Variants in CNOT6L observed in about 807,000 individuals in gnomAD.
The protein encoded by CNOT6L is CCR4-NOT transcription complex subunit 6 like.
A neutral mutation model predicts 64.0 loss-of-function variants in CNOT6L; 7 were observed. That is an observed-to-expected ratio of 0.11 (90% CI 0.06 to 0.21). The LOEUF (loss-of-function observed/expected upper bound fraction) is 0.21. Ranked by LOEUF, CNOT6L falls within the 10% of genes least tolerant of loss-of-function variation. The pLI is 1.00. For missense variants in CNOT6L, 245 were observed against 669.0 expected (o/e 0.37, Z 6.99); for synonymous variants, 193 against 243.4 (o/e 0.79, Z 1.93).
At chr4:77,800,458 A>G (rs550784450) in intron 1 of CNOT6L, among the ~76,000 whole-genome samples, 15 of 152,144 alleles carry the variant, frequency 9.9e-5, no homozygotes, top group Admixed American at 7.9e-4. Context: ...CAATGAGCTT[A>G]TAATTACACC....
At chr4:77,786,303 CAGAG>C (rs199846373) in intron 1 of CNOT6L, among the ~76,000 whole-genome samples, 3 of 149,744 alleles carry the variant, frequency 2.0e-5, no homozygotes, top group Admixed American at 6.7e-5. Context: ...GAAAGAGAGA[CAGAG>C]AGAGAGAGGA....
Position 77,819,297 on chromosome 4 carries a change from ACT to A in CNOT6L, c.5+5_5+6del, listed in dbSNP as rs1428520230. ...CGGTCCTACTCGGAGGCAAAAGAACACTCTACCTCATTCTCTTCCTCTGGCCC... is the reference window on the plus strand; with the variant it reads ...CGGTCCTACTCGGAGGCAAAAGAACACTACCTCATTCTCTTCCTCTGGCCC... On this transcript the variant is annotated splice_donor_5th_base_variant and intron_variant, in intron 1 of 11. Coordinates refer to ENST00000504123, the MANE Select transcript of CNOT6L (RefSeq NM_144571.3). 3.1e-6 allele frequency: 5 copies of A among 1,610,820 alleles called. No homozygotes were observed. The highest frequency in any genetic ancestry group is 1.7e-5 in the Admixed American group (1 of 59,836).
At chr4:77,765,065 G>T (rs1726669964) in intron 4 of CNOT6L, among the ~76,000 whole-genome samples, 1 of 152,118 alleles carries the variant, frequency 6.6e-6, no homozygotes, top group Non-Finnish European at 1.5e-5. Context: ...GACTTCGCTG[G>T]TAAAACAGGT....
At chr4:77,753,194 A>AAAAAAAAAAAAAACCAGAAAG (rs1456898425) in intron 5 of CNOT6L, among the ~76,000 whole-genome samples, 1 of 150,004 alleles carries the variant, frequency 6.7e-6, no homozygotes, top group Non-Finnish European at 1.5e-5. Context: ...CCTACCAGAA[A>AAAAAAAAAAAAAACCAGAAAG]AAAAAAAAAA....
intron 1 of CNOT6L, among the ~76,000 whole-genome samples, chr4:77,778,562 C>T (rs1214751513): frequency 6.6e-6 from 1 of 152,102 alleles, no homozygotes; most frequent in South Asian, 2.1e-4. Flanking sequence ...CGTGTCACCA[C>T]GCCTGGCTAA....
rs968786972 is a variant in CNOT6L at position 77,715,718 on chromosome 4, C to G, written c.*4713G>C. The G allele has an allele frequency of 6.6e-6, 1 of 152,344 alleles. No homozygotes were observed. The highest frequency in any genetic ancestry group is 1.5e-5 in the Non-Finnish European group (1 of 67,886). 9.4% of individuals were successfully genotyped at this position (152,344 alleles called of 1,614,324 possible). ...CTTTTTTTTCTTTCTTTCTGTGAAT[C>G]TTGTTCAAGACATCCTGTAGTTTAG... is the stretch of plus-strand genomic sequence containing the variant. On this transcript the variant is annotated 3_prime_UTR_variant, in exon 12 of 12. Coordinates refer to ENST00000504123, the MANE Select transcript of CNOT6L (RefSeq NM_144571.3).
At chr4:77,764,503 T>C (rs1726587446) in intron 4 of CNOT6L, among the ~76,000 whole-genome samples, 1 of 152,158 alleles carries the variant, frequency 6.6e-6, no homozygotes, top group Admixed American at 6.5e-5. Context: ...TCCTTTACTT[T>C]CCTAATAAAC....
At chr4:77,751,767 A>C (rs774824358) in intron 5 of CNOT6L, among the ~76,000 whole-genome samples, 1 of 152,242 alleles carries the variant, frequency 6.6e-6, no homozygotes, top group Non-Finnish European at 1.5e-5. Flanking sequence ...AAGAACTGTC[A>C]ACTGGAAATT....
chr4:77,741,440 C>A (rs1333249942), intron 8 of CNOT6L, among the ~76,000 whole-genome samples: 1 of 152,154 alleles, frequency 6.6e-6, no homozygotes, highest in Admixed American at 6.5e-5. Context: ...AAACTATTAA[C>A]CATGGGATTC....
chr4:77,819,153 CGCCGTGG>C, intron 1 of CNOT6L, 144 bp downstream of exon 1: 2 of 1,471,020 alleles, frequency 1.4e-6, no homozygotes, highest in Non-Finnish European at 1.9e-6. Context: ...CACACCCACT[CGCCGTGG>C]GTCCTCGGGC....
In CNOT6L at chr4:77,715,164, A is replaced by G. The variant is rs888237209; in HGVS notation, c.*5267T>C. ...TAAATTTTGAGAGATTGTTCTAACA[A>G]AAATAACTAGTACTAGGCACCAAAC... On this transcript the variant is annotated 3_prime_UTR_variant, in exon 12 of 12. Transcript: ENST00000504123. 6.6e-6 allele frequency: 1 copy of G among 152,236 alleles called. No individual in the cohort carries two copies. The highest frequency in any genetic ancestry group is 2.4e-5 in the African/African-American group (1 of 41,568). The allele number at this position is 152,236 out of a possible 1,614,324, so 9.4% of individuals were successfully genotyped here. A position where few individuals can be genotyped will look rare whatever the true frequency, so the allele number is the denominator to read the frequency against.
chr4:77,770,761 C>T (rs1420977223), intron 4 of CNOT6L, among the ~76,000 whole-genome samples: 1 of 152,042 alleles, frequency 6.6e-6, no homozygotes, highest in Non-Finnish European at 1.5e-5. Context: ...TTTTAAAGAA[C>T]GTAAATCAGT....
intron 10 of CNOT6L, among the ~76,000 whole-genome samples, chr4:77,727,457 C>T (rs1721982775): frequency 6.7e-6 from 1 of 150,056 alleles, no homozygotes; most frequent in African/African-American, 2.5e-5. Flanking sequence ...ATTCCAGCTA[C>T]TGGGAGGCTA....
In CNOT6L at chr4:77,718,936, A is replaced by T. The variant is rs558663915; in HGVS notation, c.*1495T>A. ...TATTGTCTTTTAAAATTTCATTCACATAATGGAAAATTTCTTGTTTATTAA... is the reference window on the plus strand; with the variant it reads ...TATTGTCTTTTAAAATTTCATTCACTTAATGGAAAATTTCTTGTTTATTAA... On this transcript the variant is annotated 3_prime_UTR_variant, in exon 12 of 12. Coordinates refer to ENST00000504123, the MANE Select transcript of CNOT6L (RefSeq NM_144571.3). 6.5e-6 allele frequency: 1 copy of T among 152,728 alleles called. No homozygotes were observed. The highest frequency in any genetic ancestry group is 2.1e-4 in the South Asian group (1 of 4,824). The allele number at this position is 152,728 out of a possible 1,614,324, so 9.5% of individuals were successfully genotyped here. A position where few individuals can be genotyped will look rare whatever the true frequency, so the allele number is the denominator to read the frequency against.
In CNOT6L at chr4:77,774,593, A is replaced by G; in HGVS notation, c.251T>C (p.Leu84Pro). ...TCTGAGTTTATTGGATGACAGATCCAGGTAAACCAGATTATGAAGCTTGGC... is the reference window on the plus strand; with the variant it reads ...TCTGAGTTTATTGGATGACAGATCCGGGTAAACCAGATTATGAAGCTTGGC... ...DIAKLHNLVY[L>P]DLSSNKLRSL... Residue 84 changes from leucine (L) to proline (P), a missense_variant, in exon 3 of 12, where the codon CTG becomes CCG. This residue lies in a region of CNOT6L where 78 missense variants were observed against 137.6 expected (regional missense o/e 0.57). Coordinates refer to ENST00000504123, the MANE Select transcript of CNOT6L (RefSeq NM_144571.3). 6.2e-7 allele frequency: 1 copy of G among 1,613,716 alleles called. No individual in the cohort carries two copies. Among genetic ancestry groups the G allele is most frequent in the East Asian group, 2.2e-5 (1 of 44,860 alleles).
chr4:77,748,171 CT>C, intron 6 of CNOT6L, 144 bp downstream of exon 6: 1 of 664,880 alleles, frequency 1.5e-6, no homozygotes, highest in Non-Finnish European at 2.6e-6. Flanking sequence ...TTAATGTGGA[CT>C]TTTTAAAAGT....
At chr4:77,776,534 AAG>A in intron 1 of CNOT6L, 142 bp from the exon 2 acceptor site, 1 of 612,340 alleles carries the variant, frequency 1.6e-6, no homozygotes, top group East Asian at 2.9e-5. Flanking sequence ...CTTGCAGAAA[AAG>A]AAAACACACA....
intron 1 of CNOT6L, among the ~76,000 whole-genome samples, chr4:77,805,667 T>A (rs72866645): frequency 2.0e-5 from 3 of 152,208 alleles, no homozygotes; most frequent in African/African-American, 7.2e-5. Flanking sequence ...GAGAAGCATA[T>A]ATATTACTAT....
At chr4:77,744,001 T>C (rs969828889) in intron 7 of CNOT6L, among the ~76,000 whole-genome samples, 1 of 152,190 alleles carries the variant, frequency 6.6e-6, no homozygotes, top group Non-Finnish European at 1.5e-5. Context: ...AAAATATATA[T>C]GTATCAAAAC....
Sources: allele counts gnomAD v4.1 joint callset (sites outside exome capture counted in the v4.1 genomes callset), GRCh38; gene constraint gnomAD v4.1.1; regional missense constraint gnomAD v4.1.1; transcripts MANE v1.5; gene names NCBI Gene and HGNC (gene_info 2026-07-23, HGNC 2026-07-21).